The following AKIRIN1 variants were observed in gnomAD, a reference collection of about 807,000 sequenced individuals.
The protein encoded by AKIRIN1 is akirin 1, also known as akirin-1.
A neutral mutation model predicts 25.9 loss-of-function variants in AKIRIN1; 4 were observed. That is an observed-to-expected ratio of 0.15 (90% CI 0.08 to 0.35). AKIRIN1 has a LOEUF of 0.35. AKIRIN1 is among the 10% of genes least tolerant of loss of function. AKIRIN1 has a pLI of 1.00. For missense variants in AKIRIN1, 243 were observed against 266.1 expected, an observed-to-expected ratio of 0.91 and a Z score of 0.61; for synonymous variants, 125 against 105.1, an observed-to-expected ratio of 1.19 and a Z score of -1.16.
chr1:38,991,308 C>G lies in AKIRIN1; in HGVS notation c.-73C>G. The G allele has an allele frequency of 3.2e-6, 4 of 1,260,470 alleles. No individual in the cohort carries two copies. Among genetic ancestry groups the G allele is most frequent in the Non-Finnish European group, 1.0e-6 (1 of 989,018 alleles). The allele number at this position is 1,260,470 out of a possible 1,614,324, so 78.1% of individuals were successfully genotyped here. A position where few individuals can be genotyped will look rare whatever the true frequency, so the allele number is the denominator to read the frequency against. ...GCGCCATTGGAGCCGGCTTGGCTGGCGAGCCCGGCTGAGGAGCCTCTTGGG... is the reference window on the plus strand; with the variant it reads ...GCGCCATTGGAGCCGGCTTGGCTGGGGAGCCCGGCTGAGGAGCCTCTTGGG... On this transcript the variant is annotated 5_prime_UTR_variant, in exon 1 of 5. Coordinates refer to ENST00000432648, the MANE Select transcript of AKIRIN1 (RefSeq NM_024595.3).
chr1:38,994,855 A>G (rs1029528621), intron 1 of AKIRIN1, among the ~76,000 whole-genome samples: 2 of 151,550 alleles, frequency 1.3e-5, no homozygotes, highest in Admixed American at 1.3e-4. Context: ...ATTCTCAGCT[A>G]ATTTTTGTAT....
chr1:39,001,370 T>G (rs1367583918), intron 3 of AKIRIN1, among the ~76,000 whole-genome samples: 1 of 151,156 alleles, frequency 6.6e-6, no homozygotes, highest in East Asian at 1.9e-4. Context: ...TTCTAACGAT[T>G]CTCCTGCCTC....
intron 1 of AKIRIN1, among the ~76,000 whole-genome samples, chr1:38,992,897 C>G (rs1448630527): frequency 1.3e-5 from 2 of 152,208 alleles, no homozygotes; most frequent in African/African-American, 4.8e-5. Flanking sequence ...AAACGCTGTT[C>G]TACTTAAATT....
rs574145299 is a variant in AKIRIN1, at chr1:38,998,265, G to A, written c.315G>A (p.Ser105=). ...VVLNQSEACA[S]ESQPHSSALT... is the part of the protein sequence containing the mutation. ...TTAATCAGAGTGAAGCTTGTGCTTC[G>A]GAAAGTCAACCTCACTCCTCAGCAC... The change falls in exon 2 of 5, where the codon TCG becomes TCA. Residue 105 remains serine, a synonymous_variant. Transcript: ENST00000432648. 49 of 1,613,756 alleles carry A rather than the reference G, an allele frequency of 3.0e-5. No homozygotes were observed. The East Asian group carries it at 5.8e-4, about 19-fold the overall frequency.
At chr1:38,999,121 T>C (rs1168213787) in intron 2 of AKIRIN1, among the ~76,000 whole-genome samples, 3 of 152,216 alleles carry the variant, frequency 2.0e-5, no homozygotes, top group Non-Finnish European at 4.4e-5. Flanking sequence ...TTGCCTGCCA[T>C]ATTGCCTCCT....
Position 39,005,133 on chromosome 1 carries a change from C to T in AKIRIN1, c.*1078C>T, listed in dbSNP as rs1421171179. 1.3e-5 allele frequency: 2 copies of T among 152,142 alleles called. No homozygotes were observed. Among genetic ancestry groups the T allele is most frequent in the African/African-American group, 2.4e-5 (1 of 41,432 alleles). 9.4% of individuals were successfully genotyped at this position (152,142 alleles called of 1,614,324 possible). A position where few individuals can be genotyped will look rare whatever the true frequency, so the allele number is the denominator to read the frequency against. On this transcript the variant is annotated 3_prime_UTR_variant, in exon 5 of 5. Transcript: ENST00000432648. ...CCACCCTGGCCAATATGGTGAAACC[C>T]CATCTCTACTAAAAATACAACAAAG...
chr1:38,998,156 T>A lies in AKIRIN1; in HGVS notation c.221-15T>A. On this transcript the variant is annotated splice_polypyrimidine_tract_variant and intron_variant, in intron 1 of 4. Transcript: ENST00000432648. Reference sequence around the variant, plus strand: ...ACAATAAAGTGAAAGCTCAAGTTTGTTTCTTTTTTATTAGAGCAAATTTTT... The same window carrying A: ...ACAATAAAGTGAAAGCTCAAGTTTGATTCTTTTTTATTAGAGCAAATTTTT... 6.2e-7 allele frequency: 1 copy of A among 1,601,060 alleles called. No individual in the cohort carries two copies. The highest frequency in any genetic ancestry group is 1.1e-5 in the South Asian group (1 of 88,576).
At position 39,004,026 on chromosome 1, in the gene AKIRIN1, T is replaced by C; in HGVS notation, c.569-19T>C. On this transcript the variant is annotated intron_variant, in intron 4 of 4. Transcript: ENST00000432648. ...TTTTAGTATTCTTACCCTTTTTGTT[T>C]TTTATTCTTAATTTACAGATGTGTC... 6.2e-7 allele frequency: 1 copy of C among 1,606,260 alleles called. No individual in the cohort carries two copies. Among genetic ancestry groups the C allele is most frequent in the Non-Finnish European group, 8.5e-7 (1 of 1,173,574 alleles).
chr1:39,001,006 T>C lies in AKIRIN1; in HGVS notation c.396T>C (p.Phe132=). 1 of 1,613,558 alleles carries C rather than the reference T, an allele frequency of 6.2e-7. No homozygotes were observed. The highest frequency in any genetic ancestry group is 8.5e-7 in the Non-Finnish European group (1 of 1,179,816). The change falls in exon 3 of 5, where the codon TTT becomes TTC. Residue 132 remains phenylalanine, a synonymous_variant. Transcript: ENST00000432648. ...GGATGAAGAAGGACCAGCCCACATT[T>C]ACCCTCCGACAAGTTGGCATAATAT... ...SSWMKKDQPT[F]TLRQVGIICE...
At position 39,004,705 on chromosome 1, in the gene AKIRIN1, C is replaced by A. The variant is rs143669799; in HGVS notation, c.*650C>A. 1.7e-3 allele frequency: 268 copies of A among 156,662 alleles called. 1 individual carries two copies. Among genetic ancestry groups the A allele is most frequent in the Admixed American group, 5.9e-3 (93 of 15,696 alleles). The allele number at this position is 156,662 out of a possible 1,614,324, so 9.7% of individuals were successfully genotyped here. A position where few individuals can be genotyped will look rare whatever the true frequency, so the allele number is the denominator to read the frequency against. ...GTCTGCGGTCCTATATCTACAGACA[C>A]GTGGTGAGAAATTAGAACAAACTGG... On this transcript the variant is annotated 3_prime_UTR_variant, in exon 5 of 5. Coordinates refer to ENST00000432648, the MANE Select transcript of AKIRIN1 (RefSeq NM_024595.3).
At chr1:39,001,166 G>T in intron 3 of AKIRIN1, 60 bp downstream of exon 3, 1 of 1,521,286 alleles carries the variant, frequency 6.6e-7, no homozygotes, top group Non-Finnish European at 8.8e-7. Flanking sequence ...ATTAACACCA[G>T]TTAAATAACT....
intron 2 of AKIRIN1, among the ~76,000 whole-genome samples, chr1:38,998,633 G>A (rs775486182): frequency 1.3e-5 from 2 of 152,110 alleles, no homozygotes; most frequent in African/African-American, 4.8e-5. Flanking sequence ...GCCGGCTGAG[G>A]TGGCTCATGC....
intron 1 of AKIRIN1, among the ~76,000 whole-genome samples, chr1:38,994,512 T>A (rs1277724808): frequency 1.3e-5 from 2 of 152,134 alleles, no homozygotes; most frequent in East Asian, 3.9e-4. Flanking sequence ...CTGAGTCTTT[T>A]TTTGTTGTTT....
chr1:38,996,915 G>T (rs1057130806), intron 1 of AKIRIN1, among the ~76,000 whole-genome samples: 1 of 152,188 alleles, frequency 6.6e-6, no homozygotes, highest in Admixed American at 6.5e-5. Flanking sequence ...GGAACCACTT[G>T]AATTCATGTC....
At chr1:39,003,210 T>C in intron 3 of AKIRIN1, 137 bp from the exon 4 acceptor site, 1 of 782,370 alleles carries the variant, frequency 1.3e-6, no homozygotes, top group Non-Finnish European at 2.1e-6. Context: ...GTCACTGGAC[T>C]TTAATACAAG....
In AKIRIN1 at chr1:39,000,793, A is replaced by T. The variant is rs1344302639; in HGVS notation, c.362-179A>T. Among the ~76,000 whole-genome samples the T allele has an allele frequency of 2.6e-5, 4 of 151,842 alleles. No homozygotes were observed. The East Asian group carries it at 7.7e-4, about 29-fold the overall frequency. The stretch of plus-strand genomic sequence containing the variant: ...TGCCTCAGCCTCCCGAGTAGCTGGG[A>T]TAATGGGCATGCCCTACCACGCCCA... On this transcript the variant is annotated intron_variant, in intron 2 of 4. Transcript: ENST00000432648.
In AKIRIN1 at chr1:39,000,978, C is replaced by T; in HGVS notation, c.368C>T (p.Ser123Leu). ...ALTAPSSPGS[S>L]WMKKDQPTFT... ...CACTTTTTCTTTTGGCCAGGTTCCTCATGGATGAAGAAGGACCAGCCCACA... is the reference window on the plus strand; with the variant it reads ...CACTTTTTCTTTTGGCCAGGTTCCTTATGGATGAAGAAGGACCAGCCCACA... Residue 123 changes from serine to leucine, a missense_variant, in exon 3 of 5, where the codon TCA becomes TTA. Ser to Leu is a moderately radical substitution (Grantham distance 145, BLOSUM62 -2). This residue lies in a region of AKIRIN1 where 190 missense variants were observed against 174.4 expected (regional missense o/e 1.09). Transcript: ENST00000432648. 2.5e-6 allele frequency: 4 copies of T among 1,610,918 alleles called. No individual in the cohort carries two copies. Among genetic ancestry groups the T allele is most frequent in the Non-Finnish European group, 3.4e-6 (4 of 1,178,764 alleles).
chr1:38,993,878 C>T (rs1457656303), intron 1 of AKIRIN1, among the ~76,000 whole-genome samples: 1 of 151,946 alleles, frequency 6.6e-6, no homozygotes, highest in African/African-American at 2.4e-5. Context: ...CAAGACCACC[C>T]TGACACACAT....
Position 39,005,280 on chromosome 1 carries a change from C to T in AKIRIN1, c.*1225C>T, listed in dbSNP as rs1644026008. ...CACAGATCATGCCACTGCACTCCAG[C>T]CTGGGCAACAAAACGAGACTTCGTC... On this transcript the variant is annotated 3_prime_UTR_variant, in exon 5 of 5. Coordinates refer to ENST00000432648, the MANE Select transcript of AKIRIN1 (RefSeq NM_024595.3). 1 of 148,566 alleles carries T rather than the reference C, an allele frequency of 6.7e-6. No individual in the cohort carries two copies. Among genetic ancestry groups the T allele is most frequent in the African/African-American group, 2.5e-5 (1 of 40,604 alleles). The allele number at this position is 148,566 out of a possible 1,614,324, so 9.2% of individuals were successfully genotyped here.
Sources: allele counts gnomAD v4.1 joint callset (sites outside exome capture counted in the v4.1 genomes callset), GRCh38; gene constraint gnomAD v4.1.1; regional missense constraint gnomAD v4.1.1; transcripts MANE v1.5; gene names NCBI Gene and HGNC (gene_info 2026-07-23, HGNC 2026-07-21).